The following SYNPR variants were observed in gnomAD, a reference collection of about 807,000 sequenced individuals.
SYNPR encodes the protein synaptoporin.
In SYNPR, 23 loss-of-function variants were observed where a neutral mutation model predicts 32.9. The ratio of observed to expected loss-of-function variants is 0.70; its 90% confidence interval spans 0.50 to 0.99. The LOEUF is 0.99. SYNPR is among the 50% of genes least tolerant of loss of function. The pLI, the probability that SYNPR is intolerant of heterozygous loss-of-function variation, is 0.00. For missense variants in SYNPR, 318 were observed against 349.3 expected, an observed-to-expected ratio of 0.91 and a Z score of 0.71; for synonymous variants, 146 against 135.9, an observed-to-expected ratio of 1.07 and a Z score of -0.52.
chr3:63,564,751 T>C (rs1702753219), intron 4 of SYNPR, among the ~76,000 whole-genome samples: 1 of 152,194 alleles, frequency 6.6e-6, no homozygotes, highest in Admixed American at 6.5e-5. Context: ...TTTTTAACGA[T>C]TAGTGAATTC....
At chr3:63,549,043 A>G (rs4254651) in intron 3 of SYNPR, among the ~76,000 whole-genome samples, 7,721 of 152,244 alleles carry the variant, frequency 0.051, 640 homozygotes, top group African/African-American at 0.16. Flanking sequence ...TCACACCACA[A>G]TTATCACAAT....
chr3:63,523,934 T>C (rs1701957163), intron 3 of SYNPR, among the ~76,000 whole-genome samples: 1 of 152,156 alleles, frequency 6.6e-6, no homozygotes, highest in South Asian at 2.1e-4. Context: ...CCAGGGTATG[T>C]CATTCTACTG....
intron 5 of SYNPR, among the ~76,000 whole-genome samples, chr3:63,612,237 C>T (rs1299696322): frequency 2.0e-5 from 3 of 152,128 alleles, no homozygotes; most frequent in Non-Finnish European, 2.9e-5. Flanking sequence ...AAAAAAAATA[C>T]TTAGCATCAT....
the SYNPR span, among the ~76,000 whole-genome samples, chr3:63,218,721 T>C: frequency 6.6e-6 from 1 of 152,190 alleles, no homozygotes; most frequent in African/African-American, 2.4e-5. Context: ...AGGTGTTTTT[T>C]CATAAAGCGA....
At chr3:63,203,068 G>GTGTGTGTATATA in the SYNPR span, 2 of 108,592 alleles carry the variant, frequency 1.8e-5, no homozygotes, top group South Asian at 2.6e-4. Flanking sequence ...ATATGTATGT[G>GTGTGTGTATATA]TATATATATA....
intron 2 of SYNPR, among the ~76,000 whole-genome samples, chr3:63,339,455 G>T (rs2087335820): frequency 6.6e-6 from 1 of 152,176 alleles, no homozygotes; most frequent in African/African-American, 2.4e-5. Flanking sequence ...TGATGTTAAT[G>T]TCTTGGGAAA....
chr3:63,371,843 C>G (rs1178960393), intron 2 of SYNPR, among the ~76,000 whole-genome samples: 1 of 152,218 alleles, frequency 6.6e-6, no homozygotes, highest in Non-Finnish European at 1.5e-5. Context: ...ACCCACAGCC[C>G]GTCTGCCACT....
intron 2 of SYNPR, among the ~76,000 whole-genome samples, chr3:63,383,154 C>A (rs1388709366): frequency 1.3e-5 from 2 of 152,170 alleles, no homozygotes; most frequent in Non-Finnish European, 1.5e-5. Context: ...AGTTTCCCAT[C>A]AACTTTCTCT....
intron 1 of SYNPR, among the ~76,000 whole-genome samples, chr3:63,231,698 T>G (rs888039346): frequency 1.3e-5 from 2 of 152,150 alleles, no homozygotes; most frequent in Non-Finnish European, 2.9e-5. Flanking sequence ...GGCCATTTTT[T>G]TAAATTTTAG....
At chr3:63,403,999 G>C (rs1369095585) in intron 2 of SYNPR, among the ~76,000 whole-genome samples, 2 of 152,136 alleles carry the variant, frequency 1.3e-5, no homozygotes, top group Non-Finnish European at 2.9e-5. Context: ...ATAATATTTA[G>C]AAAGGTGTTC....
the SYNPR span, among the ~76,000 whole-genome samples, chr3:63,221,469 AGT>A: frequency 2.6e-5 from 4 of 152,306 alleles, no homozygotes; most frequent in East Asian, 7.7e-4. Context: ...AAAGTGCAAG[AGT>A]GTGCACCTCA....
At chr3:63,555,375 G>A (rs893413197) in intron 3 of SYNPR, among the ~76,000 whole-genome samples, 5 of 151,772 alleles carry the variant, frequency 3.3e-5, no homozygotes, top group Non-Finnish European at 7.4e-5. Flanking sequence ...GGCACTTTAT[G>A]GTCATAAATA....
intron 4 of SYNPR, among the ~76,000 whole-genome samples, chr3:63,606,718 A>T (rs1455449393): frequency 2.6e-5 from 4 of 152,052 alleles, no homozygotes; most frequent in Admixed American, 2.6e-4. Context: ...GTCAAAACCA[A>T]CTTAAAAAAA....
At chr3:63,255,729 G>A (rs887157046) in intron 2 of SYNPR, among the ~76,000 whole-genome samples, 3 of 152,140 alleles carry the variant, frequency 2.0e-5, no homozygotes, top group African/African-American at 7.2e-5. Flanking sequence ...TCATCTCAAT[G>A]GGAAGTGTCA....
intron 2 of SYNPR, chr3:63,330,389 A>G (rs1199779199): frequency 6.6e-6 from 1 of 152,024 alleles, no homozygotes; most frequent in East Asian, 1.9e-4. Flanking sequence ...TTCCTACTCA[A>G]TCTGTGGCTG....
chr3:63,572,414 C>CCAA (rs1477117380), intron 4 of SYNPR, among the ~76,000 whole-genome samples: 1 of 152,100 alleles, frequency 6.6e-6, no homozygotes, highest in African/African-American at 2.4e-5. Context: ...CAACAAGGAT[C>CCAA]CAACACCTGC....
At chr3:63,371,817 G>A (rs555251450) in intron 2 of SYNPR, among the ~76,000 whole-genome samples, 1 of 152,238 alleles carries the variant, frequency 6.6e-6, no homozygotes, top group Non-Finnish European at 1.5e-5. Flanking sequence ...TCACTGAGGA[G>A]GAAATCACAG....
chr3:63,572,685 G>T (rs751704133), intron 4 of SYNPR, among the ~76,000 whole-genome samples: 2 of 152,136 alleles, frequency 1.3e-5, no homozygotes, highest in Non-Finnish European at 2.9e-5. Context: ...CTAAGTAGAA[G>T]TGACAGGATA....
intron 4 of SYNPR, among the ~76,000 whole-genome samples, chr3:63,604,101 T>C (rs1239920606): frequency 6.6e-6 from 1 of 152,180 alleles, no homozygotes; most frequent in African/African-American, 2.4e-5. Context: ...TTTGTCCATG[T>C]CTTCTAGGTT....
Sources: allele counts gnomAD v4.1 joint callset (sites outside exome capture counted in the v4.1 genomes callset), GRCh38; gene constraint gnomAD v4.1.1; transcripts MANE v1.5; gene names NCBI Gene and HGNC (gene_info 2026-07-23, HGNC 2026-07-21).